Variants in RARB observed in about 807,000 individuals in gnomAD.
The protein encoded by RARB is retinoic acid receptor beta.
In RARB, 17 loss-of-function variants were observed where a neutral mutation model predicts 51.9. The observed-to-expected ratio is 0.33, with a 90% CI of 0.22 to 0.49. The LOEUF (loss-of-function observed/expected upper bound fraction) is 0.49, where lower values mean the gene tolerates loss of function less well. RARB is among the 20% of genes least tolerant of loss of function. The pLI is 0.99. For synonymous variants in RARB, 215 were observed against 195.4 expected (o/e 1.10, Z -0.84); for missense variants, 369 against 550.8 (o/e 0.67, Z 3.30).
chr3:25,153,115 C>A (rs997735935), intron 4 of RARB, among the ~76,000 whole-genome samples: 10 of 145,634 alleles, frequency 6.9e-5, no homozygotes, highest in African/African-American at 2.6e-4. Context: ...TAATCCAAAC[C>A]AACCAAGTAA....
intron 2 of RARB, among the ~76,000 whole-genome samples, chr3:25,046,127 T>C (rs1240017441): frequency 6.6e-6 from 1 of 152,102 alleles, no homozygotes; most frequent in Non-Finnish European, 1.5e-5. Flanking sequence ...TGGGGTTGAA[T>C]GGGAAATTAG....
intron 7 of RARB, among the ~76,000 whole-genome samples, chr3:25,595,791 C>A (rs1701794436): frequency 6.6e-6 from 1 of 152,180 alleles, no homozygotes; most frequent in Non-Finnish European, 1.5e-5. Context: ...GCTGCTAAAT[C>A]TAGTTGTCAA....
At chr3:24,927,091 AACCTC>A (rs1695336075) in intron 2 of RARB, among the ~76,000 whole-genome samples, 1 of 152,144 alleles carries the variant, frequency 6.6e-6, no homozygotes, top group Non-Finnish European at 1.5e-5. Flanking sequence ...ATGTTACTTT[AACCTC>A]ATATATTCTC....
rs532828946 is a variant in RARB, at chr3:25,284,566, T to C, written c.178+109991T>C. ...AGCATTTAGCAGTAGCTAACTAATA[T>C]AGTGAGGGAAGCAGCATTCTAAAAT... On this transcript the variant is annotated intron_variant, in intron 5 of 11. Coordinates refer to the RARB transcript ENST00000383772. 4.5e-4 allele frequency among the ~76,000 whole-genome samples: 68 copies of C among 152,080 alleles called. 1 individual carries two copies. Among genetic ancestry groups the C allele is most frequent in the Admixed American group, 2.0e-3 (30 of 15,292 alleles).
At chr3:25,068,857 T>C (rs1407257480) in intron 3 of RARB, among the ~76,000 whole-genome samples, 1 of 151,918 alleles carries the variant, frequency 6.6e-6, no homozygotes, top group Non-Finnish European at 1.5e-5. Context: ...TTATGGTTAG[T>C]ATCAGAAATG....
At chr3:24,985,854 C>T (rs916641924) in intron 2 of RARB, among the ~76,000 whole-genome samples, 2 of 152,306 alleles carry the variant, frequency 1.3e-5, no homozygotes, top group South Asian at 2.1e-4. Context: ...TGAGCCTCCA[C>T]GCATGTCAGT....
At chr3:24,888,032 A>G (rs973781953) in intron 2 of RARB, among the ~76,000 whole-genome samples, 4 of 152,178 alleles carry the variant, frequency 2.6e-5, no homozygotes, top group Admixed American at 2.6e-4. Flanking sequence ...GGATACTGTT[A>G]TTATATGACT....
chr3:25,536,586 T>A lies in RARB; in HGVS notation c.449-33172T>A, dbSNP rs1249994979. On this transcript the variant is annotated intron_variant, in intron 3 of 7. Transcript: ENST00000330688. The stretch of plus-strand genomic sequence containing the variant: ...GTACAAACCTAGATAAGATTTGTGG[T>A]TTCAAAAAACAAACAAACAATCAAC... 4.6e-5 allele frequency among the ~76,000 whole-genome samples: 7 copies of A among 152,270 alleles called. No homozygotes were observed. The East Asian group carries it at 1.4e-3, about 29-fold the overall frequency.
At chr3:25,460,732 G>C (rs577344355) in intron 1 of RARB, among the ~76,000 whole-genome samples, 127 of 152,284 alleles carry the variant, frequency 8.3e-4, no homozygotes, top group African/African-American at 2.9e-3. Flanking sequence ...ACAGGTGTGA[G>C]CTACAAAGAA....
chr3:25,525,789 T>C lies in RARB; in HGVS notation c.448+24466T>C, dbSNP rs562639937. ...AGCATCATGGAGGTAAAGGGGTCTA[T>C]TTTATGAAAAGTGGTCACGGATGGT... On this transcript the variant is annotated intron_variant, in intron 3 of 7. Transcript: ENST00000330688. Among the ~76,000 whole-genome samples the C allele has an allele frequency of 2.0e-5, 3 of 152,260 alleles. No individual in the cohort carries two copies. The South Asian group carries it at 6.2e-4, about 32-fold the overall frequency.
rs768354497 is a variant in RARB, at chr3:25,428,780, G to C, written c.49G>C (p.Asp17His). 2.5e-6 allele frequency: 4 copies of C among 1,614,150 alleles called. No homozygotes were observed. Among genetic ancestry groups the C allele is most frequent in the Non-Finnish European group, 2.5e-6 (3 of 1,180,016 alleles). The change falls in exon 1 of 8, where the codon GAT becomes CAT. Residue 17 changes from aspartate to histidine, a missense_variant. Transcript: ENST00000330688. ...VLSVSPGQIL[D>H]FYTASPSSCM... ...GTCAGTGAGTCCTGGGCAAATCCTG[G>C]ATTTCTACACTGCGAGTCCGTCTTC...
intron 2 of RARB, among the ~76,000 whole-genome samples, chr3:24,926,414 C>A (rs1396462631): frequency 6.6e-6 from 1 of 152,004 alleles, no homozygotes; most frequent in Non-Finnish European, 1.5e-5. Flanking sequence ...AACAGTTTTG[C>A]CATCAAATAC....
chr3:25,081,796 C>G (rs749054373), intron 3 of RARB, among the ~76,000 whole-genome samples: 12 of 150,172 alleles, frequency 8.0e-5, no homozygotes, highest in Non-Finnish European at 1.6e-4. Context: ...GCTCGCCCAG[C>G]TAATTTTTGT....
chr3:25,156,391 T>G (rs1199696596), intron 4 of RARB, among the ~76,000 whole-genome samples: 3 of 152,092 alleles, frequency 2.0e-5, no homozygotes, highest in African/African-American at 7.2e-5. Context: ...CCCATCTGTT[T>G]GAGTGGATGC....
chr3:25,324,533 CAAG>C (rs1056999337), intron 5 of RARB: 1 of 160,466 alleles, frequency 6.2e-6, no homozygotes, highest in African/African-American at 2.4e-5. Flanking sequence ...AGGACACTAT[CAAG>C]AAGAAGCTGA....
intron 3 of RARB, among the ~76,000 whole-genome samples, chr3:25,540,695 G>T (rs1243730567): frequency 2.0e-5 from 3 of 152,194 alleles, no homozygotes; most frequent in Non-Finnish European, 2.9e-5. Flanking sequence ...ATTTTATATG[G>T]GTTGCCCCAG....
At chr3:24,942,047 C>T (rs758848748) in intron 2 of RARB, among the ~76,000 whole-genome samples, 1 of 152,170 alleles carries the variant, frequency 6.6e-6, no homozygotes, top group Non-Finnish European at 1.5e-5. Context: ...TGAAAGGTTT[C>T]TTAGATATTT....
At chr3:25,445,770 C>G (rs535979669) in intron 1 of RARB, among the ~76,000 whole-genome samples, 1 of 152,178 alleles carries the variant, frequency 6.6e-6, no homozygotes, top group East Asian at 1.9e-4. Context: ...TAAACAAGAA[C>G]AAAAAAGCAA....
At chr3:25,454,952 G>A (rs1214918716) in intron 1 of RARB, among the ~76,000 whole-genome samples, 1 of 152,228 alleles carries the variant, frequency 6.6e-6, no homozygotes, top group Non-Finnish European at 1.5e-5. Context: ...CCCAAGAGCT[G>A]TGGCAGTGTT....
Sources: allele counts gnomAD v4.1 joint callset (sites outside exome capture counted in the v4.1 genomes callset), GRCh38; gene constraint gnomAD v4.1.1; transcripts MANE v1.5; gene names NCBI Gene and HGNC (gene_info 2026-07-23, HGNC 2026-07-21).